Variants in ZNF384 observed in about 807,000 individuals in gnomAD.
ZNF384 encodes CAG repeat protein 1.
ZNF384 carries 20 observed loss-of-function variants against 65.0 expected under a neutral mutation model. The ratio of observed to expected loss-of-function variants is 0.31; its 90% CI spans 0.22 to 0.45. ZNF384 has a LOEUF of 0.45. Among genes scored for constraint, ZNF384 ranks in the 20% least tolerant of loss-of-function variants. ZNF384 has a pLI of 1.00. For synonymous variants in ZNF384, 310 were observed against 303.9 expected (o/e 1.02, Z -0.21); for missense variants, 549 against 769.4 (o/e 0.71, Z 3.39).
chr12:6,674,934 C>G (rs1952933585), intron 7 of ZNF384, among the ~76,000 whole-genome samples: 1 of 152,112 alleles, frequency 6.6e-6, no homozygotes, highest in African/African-American at 2.4e-5. Context: ...CACATTGTCC[C>G]TTGAAGGGCA....
At position 6,676,313 on chromosome 12, in the gene ZNF384, A is replaced by T. The variant is rs1303932373; in HGVS notation, c.779+854T>A. Among the ~76,000 whole-genome samples, 3 of 152,274 alleles carry T rather than the reference A, an allele frequency of 2.0e-5. No homozygotes were observed. In the East Asian group the frequency reaches 5.8e-4, roughly 29 times the overall value. On this transcript the variant is annotated intron_variant, in intron 7 of 11. Coordinates refer to ENST00000683879, the MANE Select transcript of ZNF384 (RefSeq NM_001385745.1). ...GAGACTCCGTCTCAAAAAAAAAAAAATTTCTTTGGAATGTCAAGAGTTCTG... is the reference window on the plus strand; with the variant it reads ...GAGACTCCGTCTCAAAAAAAAAAAATTTTCTTTGGAATGTCAAGAGTTCTG...
Position 6,673,143 on chromosome 12 carries a change from A to G in ZNF384, c.1004+73T>C. 1 of 1,331,730 alleles carries G rather than the reference A, an allele frequency of 7.5e-7. No individual in the cohort carries two copies. The allele number at this position is 1,331,730 out of a possible 1,614,324, so 82.5% of individuals were successfully genotyped here. The stretch of plus-strand genomic sequence containing the variant: ...AAGGGAAAGAATAATACATGTGGAG[A>G]GAGGAGTAGGTGCAGGCAACATGGT... On this transcript the variant is annotated intron_variant, in intron 8 of 11. Coordinates refer to ENST00000683879, the MANE Select transcript of ZNF384 (RefSeq NM_001385745.1). The surrounding 1 kb of genome is among the most constrained non-coding windows in gnomAD (Gnocchi z 4.7).
At chr12:6,676,177 A>G (rs2365104) in intron 7 of ZNF384, among the ~76,000 whole-genome samples, 23,064 of 152,040 alleles carry the variant, frequency 0.15, 4,124 homozygotes, top group African/African-American at 0.44. Context: ...TGGCGCACCT[A>G]TAGTCCCAGC....
upstream of ZNF384, chr12:6,689,462 G>C (rs1354238048): frequency 1.3e-5 from 2 of 152,310 alleles, no homozygotes; most frequent in East Asian, 1.9e-4. Context: ...GCTCTGCGGA[G>C]AGAAGGCGGG....
Position 6,669,018 on chromosome 12 carries a change from A to G in ZNF384, c.1425+13T>C, listed in dbSNP as rs1466474494. The G allele has an allele frequency of 6.3e-7, 1 of 1,593,634 alleles. No homozygotes were observed. Among genetic ancestry groups the G allele is most frequent in the South Asian group, 1.1e-5 (1 of 89,454 alleles). On this transcript the variant is annotated intron_variant, in intron 11 of 11. Coordinates refer to ENST00000683879, the MANE Select transcript of ZNF384 (RefSeq NM_001385745.1). ...AGGACTATGAGGAAGGAGAGAAGAAACGGAGCACTCACTGATGTGTATGCC... is the reference window on the plus strand; with the variant it reads ...AGGACTATGAGGAAGGAGAGAAGAAGCGGAGCACTCACTGATGTGTATGCC...
At chr12:6,686,825 TAAGGACTACATAATTACAA>T (rs1416439532) in intron 2 of ZNF384, among the ~76,000 whole-genome samples, 2 of 152,152 alleles carry the variant, frequency 1.3e-5, no homozygotes, top group Non-Finnish European at 2.9e-5. Flanking sequence ...GAAAATTACA[TAAGGACTACATAATTACAA>T]AGGAACTACC....
rs760261301 is a variant in ZNF384, at chr12:6,672,450, G to A, written c.1087C>T (p.Leu363=). The A allele has an allele frequency of 2.5e-6, 4 of 1,614,080 alleles. No individual in the cohort carries two copies. In the African/African-American group the frequency reaches 5.3e-5, roughly 22 times the overall value. The change falls in exon 9 of 12, where the codon CTG becomes TTG. Residue 363 remains leucine, a synonymous_variant. Transcript: ENST00000683879. This position sits in a 1 kb window ranked among gnomAD's most constrained non-coding sequence, Gnocchi z 4.4. The part of the protein sequence containing the change: ...CSKTFANTSY[L]AQHLRIHSGA... Reference sequence around the variant, plus strand: ...GAGTGGATACGGAGGTGCTGGGCCAGGTAGGAGGTGTTGGCGAAGGTCTTG... The same window carrying A: ...GAGTGGATACGGAGGTGCTGGGCCAAGTAGGAGGTGTTGGCGAAGGTCTTG...
intron 2 of ZNF384, among the ~76,000 whole-genome samples, chr12:6,685,952 C>T (rs951122816): frequency 5.3e-5 from 8 of 152,182 alleles, no homozygotes; most frequent in Admixed American, 3.9e-4. Context: ...TCGTGAAACA[C>T]GGTAGGACTT....
Position 6,678,873 on chromosome 12 carries a change from T to C in ZNF384, c.304+73A>G, listed in dbSNP as rs1412174445. On this transcript the variant is annotated intron_variant, in intron 4 of 11. Transcript: ENST00000683879. The surrounding 1 kb of genome is among the most constrained non-coding windows in gnomAD (Gnocchi z 4.9). ...ACACATATCCCACTCCCCATGTCCTTGGAGCCCTCCAGCCTGGGGTACTGA... is the reference window on the plus strand; with the variant it reads ...ACACATATCCCACTCCCCATGTCCTCGGAGCCCTCCAGCCTGGGGTACTGA... 5 of 1,531,722 alleles carry C rather than the reference T, an allele frequency of 3.3e-6. No homozygotes were observed. The highest frequency in any genetic ancestry group is 3.6e-6 in the Non-Finnish European group (4 of 1,110,618). 94.9% of individuals were successfully genotyped at this position (1,531,722 alleles called of 1,614,324 possible).
intron 2 of ZNF384, among the ~76,000 whole-genome samples, chr12:6,685,776 C>CAAAAAAA (rs778337408): frequency 3.2e-4 from 14 of 43,214 alleles, no homozygotes; most frequent in African/African-American, 6.6e-4. Flanking sequence ...GACTCAGTCT[C>CAAAAAAA]AAAAAAAAAA....
intron 7 of ZNF384, among the ~76,000 whole-genome samples, chr12:6,676,280 G>A (rs1247450965): frequency 4.6e-5 from 7 of 151,942 alleles, no homozygotes; most frequent in East Asian, 1.9e-4. Context: ...CAGCCTGGGC[G>A]ACAGAGCGAG....
At chr12:6,669,263 C>A in intron 10 of ZNF384, 74 bp from the exon 11 acceptor site, 7 of 1,469,866 alleles carry the variant, frequency 4.8e-6, no homozygotes, top group African/African-American at 1.4e-5. Context: ...CGATGGAAAG[C>A]AAAAAGGTAG....
At chr12:6,677,401 C>T in intron 6 of ZNF384, 142 bp from the exon 7 acceptor site, 1 of 889,410 alleles carries the variant, frequency 1.1e-6, no homozygotes, top group Non-Finnish European at 1.4e-6. Context: ...ACCAAACTCC[C>T]CAAACCCACT....
In ZNF384 at chr12:6,670,806, G is replaced by A. The variant is rs948442535; in HGVS notation, c.1220C>T (p.Ala407Val). The A allele has an allele frequency of 1.2e-6, 2 of 1,614,146 alleles. No homozygotes were observed. The highest frequency in any genetic ancestry group is 1.7e-6 in the Non-Finnish European group (2 of 1,180,012). The change falls in exon 10 of 12, where the codon GCA becomes GTA. Residue 407 changes from alanine to valine, a missense_variant. By Grantham distance (64) the Ala-to-Val change is moderately conservative. Transcript: ENST00000683879. ...GAAGGCTTTCTCACAGCCTGGGTGT[G>A]CACATTTGTATGGTCTATCACCAGT... ...IHTGDRPYKCAHPGCEKAFTQ... is the reference protein window; with the variant it reads ...IHTGDRPYKCVHPGCEKAFTQ...
intron 2 of ZNF384, among the ~76,000 whole-genome samples, chr12:6,687,473 A>C (rs966257024): frequency 6.6e-6 from 1 of 152,188 alleles, no homozygotes; most frequent in Admixed American, 6.5e-5. Context: ...TTGGCTCAGA[A>C]ACCCACAGGG....
chr12:6,688,158 T>G lies in ZNF384; in HGVS notation c.-6+9A>C, dbSNP rs1958637786. On this transcript the variant is annotated intron_variant, in intron 2 of 11. Coordinates refer to ENST00000683879, the MANE Select transcript of ZNF384 (RefSeq NM_001385745.1). ...ACCAGAAAAGCCATTAACCCAAAAA[T>G]CATCTTACCCTCTCTCTCTCTTCCT... 1 of 152,624 alleles carries G rather than the reference T, an allele frequency of 6.6e-6. No individual in the cohort carries two copies. The highest frequency in any genetic ancestry group is 2.1e-4 in the South Asian group (1 of 4,828). 9.5% of individuals were successfully genotyped at this position (152,624 alleles called of 1,614,324 possible).
chr12:6,671,930 T>G (rs1257308097), intron 9 of ZNF384: 1 of 160,142 alleles, frequency 6.2e-6, no homozygotes, highest in Non-Finnish European at 1.4e-5. Context: ...CCAGCTAATG[T>G]CTGATTTTAT....
At position 6,667,729 on chromosome 12, in the gene ZNF384, G is replaced by A; in HGVS notation, c.1812C>T (p.His604=). 1 of 1,614,176 alleles carries A rather than the reference G, an allele frequency of 6.2e-7. No individual in the cohort carries two copies. Among genetic ancestry groups the A allele is most frequent in the Non-Finnish European group, 8.5e-7 (1 of 1,180,050 alleles). ...TVTTSTIQVE[H]LASS is the part of the protein sequence containing the mutation. Reference sequence around the variant, plus strand: ...GCACGGATCTCTAAGAGCTGGCCAGGTGCTCCACCTGGATGGTGCTGGTGG... The same window carrying A: ...GCACGGATCTCTAAGAGCTGGCCAGATGCTCCACCTGGATGGTGCTGGTGG... The change falls in exon 12 of 12, where the codon CAC becomes CAT. Residue 604 remains histidine, a synonymous_variant. Coordinates refer to ENST00000683879, the MANE Select transcript of ZNF384 (RefSeq NM_001385745.1).
intron 11 of ZNF384, among the ~76,000 whole-genome samples, chr12:6,668,789 T>C (rs1950445419): frequency 6.6e-6 from 1 of 152,204 alleles, no homozygotes; most frequent in African/African-American, 2.4e-5. Flanking sequence ...GGCTTTATTT[T>C]GCCTTATGTT....
Sources: gnomAD v4.1 joint callset for allele counts (sites outside exome capture counted in the v4.1 genomes callset) on GRCh38, gnomAD v4.1.1 for gene constraint, Gnocchi (gnomAD v3.1) non-coding constraint, MANE v1.5 for transcripts, NCBI Gene and HGNC (gene_info 2026-07-23, HGNC 2026-07-21) for gene names.